Variants in SLC12A8 observed in about 807,000 individuals in gnomAD.
SLC12A8 encodes the protein cation-chloride cotransporter 9.
A neutral mutation model predicts 75.6 loss-of-function variants in SLC12A8; 69 were observed. The observed-to-expected ratio is 0.91, with a 90% CI of 0.75 to 1.11. SLC12A8 has a LOEUF of 1.11. Ranked by LOEUF, SLC12A8 falls within the 50% of genes most tolerant of loss-of-function variation. The pLI is 0.00. For missense variants in SLC12A8, 877 were observed against 896.7 expected (o/e 0.98, Z 0.28); for synonymous variants, 365 against 372.8 (o/e 0.98, Z 0.24).
intron 5 of SLC12A8, among the ~76,000 whole-genome samples, chr3:125,163,769 A>G (rs1469674034): frequency 6.6e-6 from 1 of 152,224 alleles, no homozygotes; most frequent in South Asian, 2.1e-4. Context: ...AAAGGGGCAG[A>G]AATTCTCCCT....
chr3:125,091,348 T>A (rs1412866132), intron 12 of SLC12A8, 91 bp downstream of exon 12: 2 of 826,074 alleles, frequency 2.4e-6, no homozygotes, highest in African/African-American at 3.3e-5. Flanking sequence ...TGAATCAGTG[T>A]TGGCATTCAA....
intron 5 of SLC12A8, among the ~76,000 whole-genome samples, chr3:125,154,575 C>T (rs1934004814): frequency 6.6e-6 from 1 of 152,130 alleles, no homozygotes; most frequent in African/African-American, 2.4e-5. Context: ...ATCCCCCCTC[C>T]CTTATCCATT....
Position 125,107,695 on chromosome 3 carries a change from G to C in SLC12A8, c.1491C>G (p.Thr497=). Residue 497 remains threonine (T), a synonymous_variant, in exon 10 of 14, where the codon ACC becomes ACG. Transcript: ENST00000469902. ...GGAAGCTATCTTGTAGGGTCTGCTT[G>C]GTGGCCTTCTTGCTTTTCCTCTTCT... ...ESQKRKSKKA[T]KQTLQDSFLL... is the part of the protein sequence containing the mutation. 1.2e-6 allele frequency: 2 copies of C among 1,614,112 alleles called. No homozygotes were observed. The highest frequency in any genetic ancestry group is 1.7e-6 in the Non-Finnish European group (2 of 1,180,010).
Position 125,107,622 on chromosome 3 carries a change from T to C in SLC12A8, c.1564A>G (p.Arg522Gly), listed in dbSNP as rs762406123. The change falls in exon 10 of 14, where the codon AGG becomes GGG. Residue 522 changes from arginine to glycine, a missense_variant. Physicochemically the swap from Arg to Gly is moderately radical, Grantham distance 125. Transcript: ENST00000469902. ...PPSFPVEISD[R>G]LPAASWEGQE... is the part of the protein sequence containing the mutation. ...CCCTCCCAGGAGGCAGCGGGCAACC[T>C]GTCAGAGATCTCGACAGGGAAAGAA... 4 of 1,614,206 alleles carry C rather than the reference T, an allele frequency of 2.5e-6. No homozygotes were observed. The Admixed American group carries it at 6.7e-5, about 27-fold the overall frequency.
chr3:125,196,990 C>G (rs2107799833), intron 2 of SLC12A8, among the ~76,000 whole-genome samples: 1 of 152,274 alleles, frequency 6.6e-6, no homozygotes, highest in Non-Finnish European at 1.5e-5. Flanking sequence ...TACCTAGCAC[C>G]CAGATCTTGA....
chr3:125,212,381 CGCCGCCCCGCGGCCTCCGCAG>C (rs1444309678), intron 1 of SLC12A8, among the ~76,000 whole-genome samples: 7 of 152,152 alleles, frequency 4.6e-5, no homozygotes, highest in Middle Eastern at 3.4e-3. Flanking sequence ...TCGCCCTTCC[CGCCGCCCCGCGGCCTCCGCAG>C]GCCGCCCCGC....
At position 125,093,250 on chromosome 3, in the gene SLC12A8, C is replaced by T. The variant is rs146866484; in HGVS notation, c.1706-1052G>A. ...TTTATACTTCATTTCAACACTAAAA[C>T]TTCAGGTGTTCTCAACCTTCATAGT... On this transcript the variant is annotated intron_variant, in intron 10 of 13. Coordinates refer to ENST00000469902, the MANE Select transcript of SLC12A8 (RefSeq NM_024628.6). Among the ~76,000 whole-genome samples the T allele has an allele frequency of 1.1e-4, 16 of 152,306 alleles. No individual in the cohort carries two copies. The East Asian group carries it at 2.5e-3, about 24-fold the overall frequency.
At chr3:125,087,579 G>A (rs975302637) in intron 13 of SLC12A8, among the ~76,000 whole-genome samples, 4 of 152,046 alleles carry the variant, frequency 2.6e-5, no homozygotes, top group African/African-American at 7.2e-5. Context: ...ATGAACACTC[G>A]GTTGGGTTCT....
chr3:125,147,803 G>A lies in SLC12A8; in HGVS notation c.623-12021C>T, dbSNP rs542139896. Among the ~76,000 whole-genome samples, 35 of 152,228 alleles carry A rather than the reference G, an allele frequency of 2.3e-4. 2 individuals are homozygous for A. The South Asian group carries it at 6.4e-3, about 28-fold the overall frequency. ...ATGCAAAGTATGGTCCCCAACCTGC[G>A]GCATTGGAACCTTCATTTTAACAAG... On this transcript the variant is annotated intron_variant, in intron 5 of 13. Coordinates refer to ENST00000469902, the MANE Select transcript of SLC12A8 (RefSeq NM_024628.6).
rs1411249652 is a variant in SLC12A8, at chr3:125,083,783, G to A, written c.*107C>T. On this transcript the variant is annotated 3_prime_UTR_variant, in exon 14 of 14. Transcript: ENST00000469902. ...CCATTGTCCAAAGTGACAGCGGGAG[G>A]ATGGGTCTTGAGTTTCTCAGGTTGG... The A allele has an allele frequency of 3.8e-6, 4 of 1,058,068 alleles. No individual in the cohort carries two copies. The highest frequency in any genetic ancestry group is 2.7e-6 in the Non-Finnish European group (2 of 742,448). The allele number at this position is 1,058,068 out of a possible 1,614,324, so 65.5% of individuals were successfully genotyped here.
chr3:125,120,718 G>A (rs774269246), intron 6 of SLC12A8, 32 bp from the exon 7 acceptor site: 1 of 1,547,926 alleles, frequency 6.5e-7, no homozygotes, highest in Non-Finnish European at 8.9e-7. Context: ...AATGGGGTGA[G>A]CAGCCTCCTC....
intron 2 of SLC12A8, among the ~76,000 whole-genome samples, chr3:125,208,679 G>A (rs538803378): frequency 4.0e-5 from 6 of 149,684 alleles, no homozygotes; most frequent in African/African-American, 4.9e-5. Context: ...ATGCACCCTC[G>A]ACCACCACAC....
intron 5 of SLC12A8, among the ~76,000 whole-genome samples, chr3:125,159,345 C>G (rs7643373): frequency 0.12 from 17,799 of 152,174 alleles, 2,212 homozygotes; most frequent in African/African-American, 0.31. Context: ...ATCCTCCCCC[C>G]TTGGTCTCCC....
At chr3:125,131,833 C>T (rs977276887) in intron 6 of SLC12A8, among the ~76,000 whole-genome samples, 9 of 152,056 alleles carry the variant, frequency 5.9e-5, no homozygotes, top group African/African-American at 1.4e-4. Context: ...GTTCTGGAGT[C>T]GGGGGCAGGG....
chr3:125,108,083 C>G lies in SLC12A8; in HGVS notation c.1103G>C (p.Ser368Thr). The G allele has an allele frequency of 6.2e-7, 1 of 1,614,160 alleles. No individual in the cohort carries two copies. The highest frequency in any genetic ancestry group is 8.5e-7 in the Non-Finnish European group (1 of 1,180,018). ...AAAAACAAAGGCCATGGTCACCAAG[C>G]TGGTCAGGCAGATGGCAGCCACGGG... The part of the protein sequence containing the change: ...KTPVAAICLT[S>T]LVTMAFVFVG... The change falls in exon 10 of 14, where the codon AGC becomes ACC. Residue 368 changes from serine (S) to threonine (T), a missense_variant. Transcript: ENST00000469902.
chr3:125,186,091 AG>A (rs987173822), intron 4 of SLC12A8, among the ~76,000 whole-genome samples: 2 of 151,950 alleles, frequency 1.3e-5, no homozygotes, highest in East Asian at 1.9e-4. Flanking sequence ...CTGTACCGAG[AG>A]GGGGAAAGCA....
intron 2 of SLC12A8, among the ~76,000 whole-genome samples, chr3:125,209,479 T>G (rs1387909116): frequency 6.6e-6 from 1 of 152,216 alleles, no homozygotes; most frequent in Non-Finnish European, 1.5e-5. Context: ...CCACCATATG[T>G]TCCACTTCCA....
chr3:125,170,264 C>A (rs543897313), intron 5 of SLC12A8, among the ~76,000 whole-genome samples: 157 of 152,252 alleles, frequency 1.0e-3, no homozygotes, highest in Non-Finnish European at 4.7e-4. Flanking sequence ...AAGTGTTTGA[C>A]CTTTGTCCTG....
intron 10 of SLC12A8, among the ~76,000 whole-genome samples, chr3:125,094,837 T>C (rs1449271096): frequency 1.3e-5 from 2 of 152,250 alleles, no homozygotes; most frequent in African/African-American, 4.8e-5. Context: ...TGCCAATGAT[T>C]TGAATCTTTT....
Sources: gnomAD v4.1 joint callset for allele counts (sites outside exome capture counted in the v4.1 genomes callset) on GRCh38, gnomAD v4.1.1 for gene constraint, MANE v1.5 for transcripts, NCBI Gene and HGNC (gene_info 2026-07-23, HGNC 2026-07-21) for gene names.